Variants in NEB observed in about 807,000 individuals in gnomAD.
NEB encodes nebulin.
Under a neutral mutation model 952.2 loss-of-function variants are expected in NEB, and 512 were observed. The observed-to-expected ratio is 0.54, with a 90% CI of 0.50 to 0.58. NEB has a LOEUF of 0.58. Ranked by LOEUF, NEB falls within the 20% of genes least tolerant of loss-of-function variation. The probability of loss-of-function intolerance (pLI) is 0.00; values close to 1 mark genes in which losing one functional copy is unlikely to be tolerated. For missense variants in NEB, 8,428 were observed against 9,231.1 expected (o/e 0.91, Z 3.56); for synonymous variants, 2,900 against 3,149.8 (o/e 0.92, Z 2.66).
At chr2:151,563,380 A>ATAAAG (rs2096207269) in intron 119 of NEB, among the ~76,000 whole-genome samples, 1 of 152,116 alleles carries the variant, frequency 6.6e-6, no homozygotes, top group Non-Finnish European at 1.5e-5. Flanking sequence ...TTTTCTGAAC[A>ATAAAG]CAAAGCAGTC....
intron 117 of NEB, 104 bp downstream of exon 117, chr2:151,564,940 G>A: frequency 1.6e-6 from 1 of 639,976 alleles, no homozygotes; most frequent in South Asian, 2.4e-5. Flanking sequence ...ATAAATAATA[G>A]ATTGGCTTAT....
At chr2:151,552,937 C>A (rs2095423343) in intron 127 of NEB, among the ~76,000 whole-genome samples, 161 bp from the exon 128 acceptor site, 1 of 152,136 alleles carries the variant, frequency 6.6e-6, no homozygotes, top group South Asian at 2.1e-4. Context: ...GTGTAACCAA[C>A]ACTTATATGG....
chr2:151,687,879 T>G (rs2099515322), intron 25 of NEB, 146 bp from the exon 26 acceptor site: 1 of 795,360 alleles, frequency 1.3e-6, no homozygotes, highest in African/African-American at 1.7e-5. Flanking sequence ...AAGTATTGAT[T>G]TATCTATCAT....
rs763516008 is a variant in NEB at position 151,646,151 on chromosome 2, T to G, written c.7515A>C (p.Ala2505=). 3.1e-6 allele frequency: 5 copies of G among 1,596,456 alleles called. No homozygotes were observed. Among genetic ancestry groups the G allele is most frequent in the Non-Finnish European group, 4.3e-6 (5 of 1,170,762 alleles). The change falls in exon 55 of 182, where the codon GCA becomes GCC. Residue 2505 remains alanine, a synonymous_variant. Transcript: ENST00000397345. ...PDTPDIVLAK[A]NLINTSDKLY... is the part of the protein sequence containing the mutation. ...TTACATCACTTGTGTTGATTAAGTT[T>G]GCTTTAGCCAGAACAATGTCAGGTG... is the stretch of plus-strand genomic sequence containing the variant.
chr2:151,506,251 T>C lies in NEB; in HGVS notation c.23564A>G (p.Tyr7855Cys). Residue 7855 changes from tyrosine (Y) to cysteine (C), a missense_variant, in exon 164 of 182, where the codon TAT becomes TGT. This residue lies in a region of NEB where 3,374 missense variants were observed against 3,651.5 expected (regional missense o/e 0.92). Transcript: ENST00000397345. The part of the protein sequence containing the change: ...ENQKNFSSVL[Y>C]KEDVSPGTAI... Reference sequence around the variant, plus strand: ...CGTTCCTGGTGAGACATCCTCTTTATATAAAACCTGGGCATTCAGAATCAG... The same window carrying C: ...CGTTCCTGGTGAGACATCCTCTTTACATAAAACCTGGGCATTCAGAATCAG... The C allele has an allele frequency of 1.9e-6, 3 of 1,611,818 alleles. No individual in the cohort carries two copies. Among genetic ancestry groups the C allele is most frequent in the Non-Finnish European group, 2.5e-6 (3 of 1,177,948 alleles).
intron 124 of NEB, 89 bp from the exon 125 acceptor site, chr2:151,555,133 C>A: frequency 1.1e-6 from 1 of 908,918 alleles, no homozygotes; most frequent in Non-Finnish European, 1.7e-6. Flanking sequence ...TGGGAAAAAC[C>A]CGACTCTGAG....
At position 151,507,149 on chromosome 2, in the gene NEB, G is replaced by A. The variant is rs989855952; in HGVS notation, c.23452-136C>T. ...TATGCACAATAATTATGGTCTGGTA[G>A]CCCAAGGGAAATTATTTGATAAGAA... On this transcript the variant is annotated intron_variant, in intron 162 of 181. Coordinates refer to ENST00000397345, the MANE Select transcript of NEB (RefSeq NM_001164508.2). 23 of 583,212 alleles carry A rather than the reference G, an allele frequency of 3.9e-5. No homozygotes were observed. In the South Asian group the frequency reaches 4.0e-4, roughly 10 times the overall value. 36.1% of individuals were successfully genotyped at this position (583,212 alleles called of 1,614,324 possible).
intron 28 of NEB, among the ~76,000 whole-genome samples, chr2:151,683,236 C>T (rs1032521778): frequency 1.6e-4 from 25 of 152,214 alleles, no homozygotes; most frequent in Admixed American, 1.6e-3. Flanking sequence ...TATTTGCACA[C>T]ATGGCCCTTC....
At position 151,514,800 on chromosome 2, in the gene NEB, A is replaced by C; in HGVS notation, c.23016+18T>G. The C allele has an allele frequency of 6.6e-7, 1 of 1,509,160 alleles. No individual in the cohort carries two copies. The highest frequency in any genetic ancestry group is 9.0e-7 in the Non-Finnish European group (1 of 1,109,274). The allele number at this position is 1,509,160 out of a possible 1,614,324, so 93.5% of individuals were successfully genotyped here. A position where few individuals can be genotyped will look rare whatever the true frequency, so the allele number is the denominator to read the frequency against. On this transcript the variant is annotated intron_variant, in intron 158 of 181. Coordinates refer to ENST00000397345, the MANE Select transcript of NEB (RefSeq NM_001164508.2). ...TTATTTGGATTAAGAGGGAAAGAAA[A>C]GACCAAGTGGGCACTACCTCGCTTG... is the stretch of plus-strand genomic sequence containing the variant.
intron 105 of NEB, among the ~76,000 whole-genome samples, 163 bp from the exon 106 acceptor site, chr2:151,576,517 T>TATATATATATATATATA (rs1491118589): frequency 1.2e-4 from 2 of 16,622 alleles, no homozygotes; most frequent in African/African-American, 2.4e-4. Flanking sequence ...TATATATATA[T>TATATATATATATATATA]TTTTTTTTTT....
intron 167 of NEB, among the ~76,000 whole-genome samples, chr2:151,502,361 T>G (rs959946793): frequency 1.4e-5 from 2 of 147,514 alleles, no homozygotes; most frequent in Non-Finnish European, 3.0e-5. Flanking sequence ...CCCAAACTTA[T>G]GGAAAAATAA....
At chr2:151,510,026 T>A (rs1233988985) in intron 161 of NEB, among the ~76,000 whole-genome samples, 1 of 152,256 alleles carries the variant, frequency 6.6e-6, no homozygotes, top group Non-Finnish European at 1.5e-5. Context: ...TTTGTGTAAG[T>A]GTTCATTCAT....
rs1292623888 is a variant in NEB, at chr2:151,541,597, T to C, written c.20578-46A>G. ...CACCATCATTTCTGTTTCATGGGCA[T>C]GTTATGTTCTCTGCAGATGCCTTCA... On this transcript the variant is annotated intron_variant, in intron 135 of 181. Coordinates refer to ENST00000397345, the MANE Select transcript of NEB (RefSeq NM_001164508.2). 5 of 1,474,390 alleles carry C rather than the reference T, an allele frequency of 3.4e-6. No homozygotes were observed. The East Asian group carries it at 9.1e-5, about 27-fold the overall frequency. The allele number at this position is 1,474,390 out of a possible 1,614,324, so 91.3% of individuals were successfully genotyped here.
chr2:151,656,290 G>A lies in NEB; in HGVS notation c.6358C>T (p.Leu2120Phe). The A allele has an allele frequency of 1.2e-6, 2 of 1,613,690 alleles. No homozygotes were observed. The highest frequency in any genetic ancestry group is 1.7e-6 in the Non-Finnish European group (2 of 1,179,728). Residue 2120 changes from leucine (L) to phenylalanine (F), a missense_variant, in exon 49 of 182, where the codon CTC (leucine) becomes TTC (phenylalanine). Leu to Phe is a conservative substitution (Grantham distance 22). Around this residue, in one of 11 missense-constraint regions of NEB, gnomAD observed 2,851 missense variants for 2,791.5 expected, o/e 1.02. Transcript: ENST00000397345. ...KTSYHTPADM[L>F]SVTAAKDAQA... is the part of the protein sequence containing the mutation. ...GCATCCTTTGCAGCCGTGACACTGA[G>A]CATGTCGGCAGGGGTGTGGTAGCTG...
intron 116 of NEB, 130 bp downstream of exon 116, chr2:151,565,371 A>G (rs1018071362): frequency 2.1e-5 from 16 of 749,836 alleles, no homozygotes; most frequent in African/African-American, 1.2e-4. Context: ...CATACCCCCC[A>G]AAGATGATCT....
chr2:151,540,371 G>A lies in NEB; in HGVS notation c.20865C>T (p.Ala6955=). 1 of 1,584,082 alleles carries A rather than the reference G, an allele frequency of 6.3e-7. No individual in the cohort carries two copies. The highest frequency in any genetic ancestry group is 8.6e-7 in the Non-Finnish European group (1 of 1,162,998). The change falls in exon 138 of 182, where the codon GCC becomes GCT. Residue 6955 remains alanine, a synonymous_variant. Coordinates refer to ENST00000397345, the MANE Select transcript of NEB (RefSeq NM_001164508.2). Reference sequence around the variant, plus strand: ...CACTGGCATTCCAGTAAGCCCTCTTGGCTCTGATGAGGATTGGCGTATCTG... The same window carrying A: ...CACTGGCATTCCAGTAAGCCCTCTTAGCTCTGATGAGGATTGGCGTATCTG... The part of the protein sequence containing the change: ...PVPDTPILIR[A]KRAYWNASDL...
chr2:151,664,933 A>G, intron 42 of NEB, 70 bp from the exon 43 acceptor site: 1 of 1,123,440 alleles, frequency 8.9e-7, no homozygotes, highest in Non-Finnish European at 1.3e-6. Context: ...CAAGAGGAAG[A>G]GATTTACAAC....
chr2:151,613,146 G>A (rs2098064942), intron 77 of NEB, among the ~76,000 whole-genome samples: 1 of 152,042 alleles, frequency 6.6e-6, no homozygotes, highest in Non-Finnish European at 1.5e-5. Flanking sequence ...GATTTAACCA[G>A]AGCTTGATTA....
intron 41 of NEB, among the ~76,000 whole-genome samples, 156 bp from the exon 42 acceptor site, chr2:151,665,695 A>G (rs1003092861): frequency 6.6e-6 from 1 of 152,214 alleles, no homozygotes; most frequent in Non-Finnish European, 1.5e-5. Context: ...GAAATTAATT[A>G]TAAAAATAAT....
Sources: allele counts gnomAD v4.1 joint callset (sites outside exome capture counted in the v4.1 genomes callset), GRCh38; gene constraint gnomAD v4.1.1; regional missense constraint gnomAD v4.1.1; transcripts MANE v1.5; gene names NCBI Gene and HGNC (gene_info 2026-07-23, HGNC 2026-07-21).